CAP2: variants seen among roughly 807,000 people sequenced by gnomAD.
The protein encoded by CAP2 is adenylyl cyclase-associated protein 2.
A neutral mutation model predicts 57.7 loss-of-function variants in CAP2; 24 were observed. The ratio of observed to expected loss-of-function variants is 0.42; its 90% confidence interval spans 0.30 to 0.58. CAP2 has a LOEUF of 0.58. Among genes scored for constraint, CAP2 ranks in the 20% least tolerant of loss-of-function variants. CAP2 has a pLI of 0.22. For missense variants in CAP2, 501 were observed against 590.3 expected (o/e 0.85, Z 1.57); for synonymous variants, 194 against 207.2 (o/e 0.94, Z 0.55).
At chr6:17,535,089 T>A (rs998238566) in intron 7 of CAP2, among the ~76,000 whole-genome samples, 2 of 152,080 alleles carry the variant, frequency 1.3e-5, no homozygotes, top group African/African-American at 4.8e-5. Flanking sequence ...CCAGAGGTGC[T>A]GTAGGAGCTC....
At chr6:17,433,218 C>T (rs1042476187) in intron 3 of CAP2, among the ~76,000 whole-genome samples, 2 of 152,102 alleles carry the variant, frequency 1.3e-5, no homozygotes, top group African/African-American at 4.8e-5. Context: ...GGGAAAACAC[C>T]ATGAGAAGCA....
rs114984395 is a variant in CAP2 at position 17,523,339 on chromosome 6, G to A, written c.636+9385G>A. On this transcript the variant is annotated intron_variant, in intron 7 of 12. Coordinates refer to ENST00000229922, the MANE Select transcript of CAP2 (RefSeq NM_006366.3). ...ATCGCAAGGAGGAGCTGGTAGAGAA[G>A]GAAGAAAAATCTTCACCTGGGGTTT... 4.4e-3 allele frequency among the ~76,000 whole-genome samples: 667 copies of A among 152,224 alleles called. 5 individuals are homozygous for A. The highest frequency in any genetic ancestry group is 0.015 in the African/African-American group (635 of 41,528).
intron 4 of CAP2, among the ~76,000 whole-genome samples, chr6:17,494,689 G>A (rs1245435168): frequency 6.6e-6 from 1 of 152,070 alleles, no homozygotes; most frequent in Non-Finnish European, 1.5e-5. Flanking sequence ...CCCTGTGATG[G>A]TTAATTTTAT....
At chr6:17,535,397 CCT>C (rs987757978) in intron 7 of CAP2, among the ~76,000 whole-genome samples, 4 of 151,770 alleles carry the variant, frequency 2.6e-5, no homozygotes, top group Non-Finnish European at 5.9e-5. Context: ...GCCTCAGCCT[CCT>C]GAGTAGCTGG....
intron 3 of CAP2, among the ~76,000 whole-genome samples, chr6:17,452,474 G>A (rs533522606): frequency 3.0e-4 from 46 of 152,266 alleles, no homozygotes; most frequent in Admixed American, 9.8e-4. Flanking sequence ...AAAAGGCCAT[G>A]GGAACCCAAC....
rs1156736524 is a variant in CAP2 at position 17,500,366 on chromosome 6, T to TTGG, written c.301-6803_301-6802insTGG. ...ATATATATATATATATATATATATA[T>TTGG]ATATATATATATATATATTTGGAGA... On this transcript the variant is annotated intron_variant, in intron 4 of 12. Transcript: ENST00000229922. Among the ~76,000 whole-genome samples, 5 of 103,562 alleles carry TTGG rather than the reference T, an allele frequency of 4.8e-5. 1 individual carries two copies. The highest frequency in any genetic ancestry group is 2.1e-4 in the African/African-American group (5 of 24,128). 67.9% of individuals were successfully genotyped at this position (103,562 alleles called of 152,430 possible).
intron 3 of CAP2, among the ~76,000 whole-genome samples, chr6:17,441,564 G>A (rs1271372361): frequency 6.6e-6 from 1 of 151,520 alleles, no homozygotes; most frequent in Admixed American, 6.6e-5. Context: ...GCTCACTGCA[G>A]CCTCAACTTC....
intron 4 of CAP2, among the ~76,000 whole-genome samples, chr6:17,471,787 C>T (rs1219211394): frequency 2.0e-5 from 3 of 149,936 alleles, no homozygotes; most frequent in Admixed American, 6.6e-5. Context: ...GCCGAGATTG[C>T]GCCACTGCAC....
intron 11 of CAP2, among the ~76,000 whole-genome samples, chr6:17,543,923 G>GAGAC (rs1762973989): frequency 6.6e-6 from 1 of 152,070 alleles, no homozygotes; most frequent in East Asian, 1.9e-4. Context: ...TCAGGAGTTT[G>GAGAC]AGACCAGCCT....
At chr6:17,412,834 A>G (rs760887820) in intron 1 of CAP2, among the ~76,000 whole-genome samples, 9 of 152,160 alleles carry the variant, frequency 5.9e-5, no homozygotes, top group African/African-American at 2.2e-4. Flanking sequence ...AGGAAATTGT[A>G]TATGTGGTTT....
intron 4 of CAP2, among the ~76,000 whole-genome samples, chr6:17,479,318 C>G (rs1761228984): frequency 6.6e-6 from 1 of 152,154 alleles, no homozygotes; most frequent in South Asian, 2.1e-4. Flanking sequence ...TCTCTTGAAC[C>G]AGAACTCCTA....
chr6:17,514,748 C>T (rs1561811985), intron 7 of CAP2, among the ~76,000 whole-genome samples: 1 of 152,092 alleles, frequency 6.6e-6, no homozygotes, highest in Non-Finnish European at 1.5e-5. Context: ...GACTTCATCT[C>T]AAACAAACAG....
rs149613567 is a variant in CAP2, at chr6:17,529,062, A to T, written c.637-10207A>T. On this transcript the variant is annotated intron_variant, in intron 7 of 12. Transcript: ENST00000229922. ...GAGACCCCATCTCTACAAAAAAAAA[A>T]TTTTTTTAATTCCAATAAATGATAA... 3.9e-4 allele frequency among the ~76,000 whole-genome samples: 57 copies of T among 144,306 alleles called. No homozygotes were observed. In the East Asian group the frequency reaches 6.3e-3, roughly 16 times the overall value. 94.7% of individuals were successfully genotyped at this position (144,306 alleles called of 152,430 possible).
At chr6:17,554,282 T>A (rs1038335014) in intron 12 of CAP2, among the ~76,000 whole-genome samples, 1 of 152,188 alleles carries the variant, frequency 6.6e-6, no homozygotes, top group Non-Finnish European at 1.5e-5. Flanking sequence ...AATTTTTGTA[T>A]GTTTTGTAGA....
At chr6:17,440,892 T>C (rs1760055427) in intron 3 of CAP2, among the ~76,000 whole-genome samples, 1 of 151,220 alleles carries the variant, frequency 6.6e-6, no homozygotes, top group African/African-American at 2.5e-5. Flanking sequence ...CTTTGTTCAG[T>C]TCCCACCTAT....
chr6:17,453,721 G>A (rs1172633820), intron 3 of CAP2, among the ~76,000 whole-genome samples: 3 of 152,032 alleles, frequency 2.0e-5, no homozygotes, highest in African/African-American at 4.8e-5. Context: ...TAATTAGTAC[G>A]GGATTAGGGA....
chr6:17,529,638 C>T (rs183812468), intron 7 of CAP2, among the ~76,000 whole-genome samples: 1,632 of 79,620 alleles, frequency 0.02, 45 homozygotes, highest in African/African-American at 0.13. Context: ...AAGACTCCGT[C>T]TCAAAAAAAA....
At chr6:17,490,480 G>A (rs1200867222) in intron 4 of CAP2, among the ~76,000 whole-genome samples, 2 of 152,178 alleles carry the variant, frequency 1.3e-5, no homozygotes, top group Non-Finnish European at 2.9e-5. Flanking sequence ...ATGTGTACAT[G>A]TAGTTTATAT....
intron 3 of CAP2, among the ~76,000 whole-genome samples, chr6:17,462,725 CAG>C (rs1760759620): frequency 6.6e-6 from 1 of 152,212 alleles, no homozygotes; most frequent in African/African-American, 2.4e-5. Flanking sequence ...TAGCAGGTGT[CAG>C]TACCTTGTCT....
Sources: gnomAD v4.1 joint callset for allele counts (sites outside exome capture counted in the v4.1 genomes callset) on GRCh38, gnomAD v4.1.1 for gene constraint, MANE v1.5 for transcripts, NCBI Gene and HGNC (gene_info 2026-07-23, HGNC 2026-07-21) for gene names.